Variants in ADAMTSL1 observed in about 807,000 individuals in gnomAD.
ADAMTSL1 encodes the protein ADAMTS-like protein 1.
Under a neutral mutation model 201.8 loss-of-function variants are expected in ADAMTSL1, and 126 were observed. The ratio of observed to expected loss-of-function variants is 0.62; its 90% CI spans 0.54 to 0.72. The LOEUF (loss-of-function observed/expected upper bound fraction) is 0.72, where lower values mean the gene tolerates loss of function less well. Among genes scored for constraint, ADAMTSL1 ranks in the 30% least tolerant of loss-of-function variants. ADAMTSL1 has a pLI of 0.00. For missense variants in ADAMTSL1, 2,679 were observed against 2,277.8 expected, an observed-to-expected ratio of 1.18 and a Z score of -3.59; for synonymous variants, 1,121 against 903.4, an observed-to-expected ratio of 1.24 and a Z score of -4.32.
In ADAMTSL1 at chr9:18,635,949, A is replaced by T. The variant is rs771681693; in HGVS notation, c.608A>T (p.Asp203Val). The T allele has an allele frequency of 6.2e-6, 10 of 1,601,374 alleles. No individual in the cohort carries two copies. In the East Asian group the frequency reaches 2.3e-4, roughly 36 times the overall value. ...TTGCTTTGTTTCTCTCTAGCGGATGATACTGTGGTTGCAATTCCCTATGGA... is the reference window on the plus strand; with the variant it reads ...TTGCTTTGTTTCTCTCTAGCGGATGTTACTGTGGTTGCAATTCCCTATGGA... Reference protein sequence around the residue: ...KSQLSATKSDDTVVAIPYGSR... With the variant: ...KSQLSATKSDVTVVAIPYGSR... The change falls in exon 6 of 29, where the codon GAT becomes GTT. Residue 203 changes from aspartate to valine, a missense_variant. Physicochemically the swap from Asp to Val is radical, Grantham distance 152. Transcript: ENST00000380548.
chr9:18,299,389 T>G (rs964649780), intron 2 of ADAMTSL1, among the ~76,000 whole-genome samples: 2 of 152,226 alleles, frequency 1.3e-5, no homozygotes, highest in African/African-American at 4.8e-5. Context: ...AATTCGATTT[T>G]AAATGAATGC....
chr9:18,029,640 C>G (rs1477297789), intron 1 of ADAMTSL1, among the ~76,000 whole-genome samples: 3 of 151,628 alleles, frequency 2.0e-5, no homozygotes, highest in Admixed American at 6.6e-5. Flanking sequence ...ATTTTCGCAA[C>G]CTACTCATCT....
intron 2 of ADAMTSL1, among the ~76,000 whole-genome samples, chr9:18,507,162 A>T (rs932542031): frequency 2.0e-5 from 3 of 152,210 alleles, no homozygotes; most frequent in African/African-American, 7.2e-5. Context: ...GCTAAACTGT[A>T]TTAATTCTGA....
intron 1 of ADAMTSL1, among the ~76,000 whole-genome samples, chr9:18,055,155 T>A (rs1822121346): frequency 6.6e-6 from 1 of 152,202 alleles, no homozygotes; most frequent in African/African-American, 2.4e-5. Flanking sequence ...GCACTTGGTA[T>A]CTTAAACAAG....
intron 8 of ADAMTSL1, among the ~76,000 whole-genome samples, chr9:18,661,308 A>G (rs971786311): frequency 2.0e-5 from 3 of 152,208 alleles, no homozygotes; most frequent in African/African-American, 7.2e-5. Context: ...CAAAAATGGA[A>G]CAGTAACAGG....
At chr9:18,062,127 T>G (rs1758847896) in intron 1 of ADAMTSL1, among the ~76,000 whole-genome samples, 1 of 152,226 alleles carries the variant, frequency 6.6e-6, no homozygotes. Flanking sequence ...ATGACTCACA[T>G]AAGTTCTCTA....
intron 2 of ADAMTSL1, among the ~76,000 whole-genome samples, chr9:18,242,386 A>G (rs1053864920): frequency 2.0e-5 from 3 of 152,134 alleles, no homozygotes; most frequent in Non-Finnish European, 4.4e-5. Context: ...CCATTTGGAA[A>G]AACTCACCGC....
At chr9:18,465,665 T>G (rs1347431750) in intron 2 of ADAMTSL1, among the ~76,000 whole-genome samples, 3 of 152,200 alleles carry the variant, frequency 2.0e-5, no homozygotes, top group African/African-American at 4.8e-5. Flanking sequence ...CTGTCCTGGG[T>G]GGCCATGTAT....
chr9:18,110,530 A>G (rs929674053), intron 1 of ADAMTSL1, among the ~76,000 whole-genome samples: 4 of 152,112 alleles, frequency 2.6e-5, no homozygotes, highest in African/African-American at 7.2e-5. Flanking sequence ...TTCAACCCCT[A>G]TCTGAGACAT....
At chr9:17,932,644 T>C (rs754020322) in intron 1 of ADAMTSL1, among the ~76,000 whole-genome samples, 2 of 152,184 alleles carry the variant, frequency 1.3e-5, no homozygotes, top group Non-Finnish European at 2.9e-5. Flanking sequence ...ACTAAGTTTA[T>C]CTCATTCATT....
intron 23 of ADAMTSL1, among the ~76,000 whole-genome samples, chr9:18,844,222 G>A (rs1431550111): frequency 6.6e-6 from 1 of 152,138 alleles, no homozygotes; most frequent in Non-Finnish European, 1.5e-5. Flanking sequence ...TGGTGTGGAT[G>A]TCTTTTCTGT....
chr9:18,515,437 C>G (rs1818308916), intron 2 of ADAMTSL1, among the ~76,000 whole-genome samples: 3 of 152,162 alleles, frequency 2.0e-5, no homozygotes, highest in Admixed American at 2.0e-4. Context: ...CAGTTTCAAA[C>G]CGTCCTCCTA....
intron 2 of ADAMTSL1, among the ~76,000 whole-genome samples, chr9:18,431,648 C>T (rs1819495492): frequency 1.3e-5 from 2 of 152,112 alleles, no homozygotes; most frequent in African/African-American, 4.8e-5. Context: ...TGAACATTTC[C>T]AGAAGTCTTC....
At chr9:18,805,527 G>A (rs897445674) in intron 20 of ADAMTSL1, among the ~76,000 whole-genome samples, 1 of 152,188 alleles carries the variant, frequency 6.6e-6, no homozygotes, top group Admixed American at 6.5e-5. Flanking sequence ...TGTTCTTACA[G>A]CTTTGCATGC....
chr9:18,046,159 T>C (rs75824105), intron 1 of ADAMTSL1, among the ~76,000 whole-genome samples: 7,498 of 152,208 alleles, frequency 0.049, 277 homozygotes, highest in Admixed American at 0.086. Flanking sequence ...GCATATATAA[T>C]AAAGGAAATT....
intron 23 of ADAMTSL1, among the ~76,000 whole-genome samples, chr9:18,860,418 T>C (rs1827137756): frequency 1.3e-5 from 2 of 152,120 alleles, no homozygotes; most frequent in South Asian, 4.1e-4. Context: ...GTATTGTCTA[T>C]GGCTGATCTC....
chr9:17,955,140 T>C (rs1039924068), intron 1 of ADAMTSL1, among the ~76,000 whole-genome samples: 1 of 152,190 alleles, frequency 6.6e-6, no homozygotes, highest in Non-Finnish European at 1.5e-5. Context: ...AGACCTAATA[T>C]GTTGCCTTGA....
At chr9:18,275,626 AC>A (rs1392982823) in intron 2 of ADAMTSL1, among the ~76,000 whole-genome samples, 8 of 152,162 alleles carry the variant, frequency 5.3e-5, no homozygotes, top group Admixed American at 5.2e-4. Context: ...ATAATGTATT[AC>A]GTCTAAATTG....
chr9:18,471,343 A>T (rs1329299508), upstream of ADAMTSL1, among the ~76,000 whole-genome samples: 1 of 152,220 alleles, frequency 6.6e-6, no homozygotes, highest in African/African-American at 2.4e-5. Context: ...CCGTGGCTCA[A>T]TGGCCAGTTC....
Sources: gnomAD v4.1 joint callset for allele counts (sites outside exome capture counted in the v4.1 genomes callset) on GRCh38, gnomAD v4.1.1 for gene constraint, MANE v1.5 for transcripts, NCBI Gene and HGNC (gene_info 2026-07-23, HGNC 2026-07-21) for gene names.